Variants in PDE4D observed in about 807,000 individuals in gnomAD.
The protein encoded by PDE4D is phosphodiesterase 4D, also known as 3',5'-cyclic-AMP phosphodiesterase 4D.
A neutral mutation model predicts 87.4 loss-of-function variants in PDE4D; 24 were observed. The ratio of observed to expected loss-of-function variants is 0.27; its 90% CI spans 0.20 to 0.39. The LOEUF (loss-of-function observed/expected upper bound fraction) is 0.39, where lower values mean the gene tolerates loss of function less well. Ranked by LOEUF, PDE4D falls within the 10% of genes least tolerant of loss-of-function variation. The pLI, the probability that PDE4D is intolerant of heterozygous loss-of-function variation, is 1.00. For missense variants in PDE4D, 714 were observed against 1,041.0 expected, an observed-to-expected ratio of 0.69 and a Z score of 4.32; for synonymous variants, 384 against 383.2, an observed-to-expected ratio of 1.00 and a Z score of -0.02.
chr5:60,068,114 G>A (rs957161513), intron 2 of PDE4D, among the ~76,000 whole-genome samples: 1 of 152,130 alleles, frequency 6.6e-6, no homozygotes, highest in Non-Finnish European at 1.5e-5. Context: ...TCATGTAATT[G>A]CATTTTTAAA....
At chr5:60,108,103 G>A (rs1777227537) in intron 2 of PDE4D, among the ~76,000 whole-genome samples, 1 of 151,756 alleles carries the variant, frequency 6.6e-6, no homozygotes, top group Non-Finnish European at 1.5e-5. Context: ...TGTATATCTA[G>A]AAAACCCCAT....
intron 1 of PDE4D, among the ~76,000 whole-genome samples, chr5:59,590,943 C>G (rs147530411): frequency 1.3e-5 from 2 of 152,208 alleles, no homozygotes; most frequent in East Asian, 3.9e-4. Flanking sequence ...ACCCTTTTCT[C>G]TCATGGTTAT....
At position 59,689,527 on chromosome 5, in the gene PDE4D, A is replaced by G. The variant is rs2150397009; in HGVS notation, c.455+203641T>C. ...GTTTGACAAAATTCAACAACCCTTC[A>G]TGCTAAAAACTCTCAATAAACTAGG... On this transcript the variant is annotated intron_variant, in intron 1 of 14. Coordinates refer to ENST00000340635, the MANE Select transcript of PDE4D (RefSeq NM_001104631.2). Among the ~76,000 whole-genome samples, 2 of 152,328 alleles carry G rather than the reference A, an allele frequency of 1.3e-5. 1 individual carries two copies. Among genetic ancestry groups the G allele is most frequent in the South Asian group, 4.1e-4 (2 of 4,828 alleles).
chr5:60,316,948 C>CT (rs987368533), intron 1 of PDE4D, among the ~76,000 whole-genome samples: 6 of 152,032 alleles, frequency 3.9e-5, no homozygotes, highest in African/African-American at 1.5e-4. Context: ...CTAAAATTCT[C>CT]TTTTTTTGTT....
intron 2 of PDE4D, among the ~76,000 whole-genome samples, chr5:60,022,904 G>A (rs566782442): frequency 1.1e-4 from 17 of 152,110 alleles, no homozygotes; most frequent in Non-Finnish European, 1.5e-4. Context: ...CAAAGACACC[G>A]AGTCTCCCTC....
At chr5:59,771,959 T>C (rs1193158813) in intron 1 of PDE4D, among the ~76,000 whole-genome samples, 1 of 152,210 alleles carries the variant, frequency 6.6e-6, no homozygotes, top group African/African-American at 2.4e-5. Flanking sequence ...CCATTATTAT[T>C]ATTGATTCAA....
chr5:59,810,099 C>A (rs1768175074), intron 1 of PDE4D, among the ~76,000 whole-genome samples: 1 of 152,170 alleles, frequency 6.6e-6, no homozygotes, highest in African/African-American at 2.4e-5. Flanking sequence ...TCAAGAAACA[C>A]GGTGCTCCTT....
intron 1 of PDE4D, among the ~76,000 whole-genome samples, chr5:59,406,476 C>T (rs569013206): frequency 1.8e-4 from 27 of 149,800 alleles, no homozygotes; most frequent in Middle Eastern, 3.5e-3. Flanking sequence ...CTGCAACCTC[C>T]GCCTCCCAGG....
chr5:59,406,220 A>T (rs1170796775), intron 1 of PDE4D, among the ~76,000 whole-genome samples: 2 of 152,040 alleles, frequency 1.3e-5, no homozygotes, highest in Non-Finnish European at 2.9e-5. Flanking sequence ...TGGTCTGTTC[A>T]GGTTTTGGAT....
chr5:60,325,014 T>A (rs1341783765), intron 1 of PDE4D, among the ~76,000 whole-genome samples: 2 of 152,162 alleles, frequency 1.3e-5, no homozygotes, highest in African/African-American at 4.8e-5. Flanking sequence ...AAGAACATGG[T>A]GAGGCTCCCC....
intron 2 of PDE4D, among the ~76,000 whole-genome samples, chr5:60,005,912 C>T (rs1764430060): frequency 6.6e-6 from 1 of 151,720 alleles, no homozygotes; most frequent in Non-Finnish European, 1.5e-5. Context: ...TGATTTCGAT[C>T]TGTTAACCTT....
chr5:59,308,520 G>C (rs1771879254), intron 1 of PDE4D, among the ~76,000 whole-genome samples: 1 of 151,880 alleles, frequency 6.6e-6, no homozygotes, highest in Non-Finnish European at 1.5e-5. Context: ...AAAATTCTTG[G>C]CTGATAATTG....
intron 1 of PDE4D, chr5:60,460,165 C>G (rs1439329113): frequency 3.8e-6 from 6 of 1,589,710 alleles, no homozygotes; most frequent in Non-Finnish European, 3.4e-6. Context: ...CTGCATTTGA[C>G]TTGAACATTT....
chr5:59,594,844 A>G (rs1826445795), intron 1 of PDE4D, among the ~76,000 whole-genome samples: 3 of 152,310 alleles, frequency 2.0e-5, no homozygotes, highest in East Asian at 3.9e-4. Flanking sequence ...AGAATATACA[A>G]TACTAAGAGT....
chr5:59,744,939 C>A (rs1429022351), intron 1 of PDE4D, among the ~76,000 whole-genome samples: 2 of 152,104 alleles, frequency 1.3e-5, no homozygotes, highest in African/African-American at 4.8e-5. Flanking sequence ...ATGCCTATCC[C>A]AAACATTCAT....
chr5:60,400,266 T>C (rs1740942821), intron 1 of PDE4D, among the ~76,000 whole-genome samples: 1 of 152,156 alleles, frequency 6.6e-6, no homozygotes, highest in Non-Finnish European at 1.5e-5. Context: ...TTCTCGCCTG[T>C]AATCCCAGCA....
intron 1 of PDE4D, among the ~76,000 whole-genome samples, chr5:60,389,704 G>A (rs892958277): frequency 6.6e-6 from 1 of 152,036 alleles, no homozygotes; most frequent in Non-Finnish European, 1.5e-5. Flanking sequence ...CTCTCCATAC[G>A]GGCCTTTCTA....
At chr5:60,388,486 T>A (rs1243900338) in intron 1 of PDE4D, among the ~76,000 whole-genome samples, 2 of 152,126 alleles carry the variant, frequency 1.3e-5, no homozygotes, top group Non-Finnish European at 2.9e-5. Flanking sequence ...TATTGACCCA[T>A]CCTCTAAGTT....
chr5:59,725,031 G>T (rs1241844330), intron 1 of PDE4D, among the ~76,000 whole-genome samples: 1 of 152,032 alleles, frequency 6.6e-6, no homozygotes, highest in African/African-American at 2.4e-5. Context: ...AATAATGGCT[G>T]CCATGAAATA....
Sources: gnomAD v4.1 joint callset for allele counts (sites outside exome capture counted in the v4.1 genomes callset) on GRCh38, gnomAD v4.1.1 for gene constraint, MANE v1.5 for transcripts, NCBI Gene and HGNC (gene_info 2026-07-23, HGNC 2026-07-21) for gene names.